Variants in WDR49 observed in about 807,000 individuals in gnomAD.
WDR49 encodes WD repeat domain 49.
In WDR49, 107 loss-of-function variants were observed where a neutral mutation model predicts 119.5. The ratio of observed to expected loss-of-function variants is 0.90; its 90% confidence interval spans 0.77 to 1.05. WDR49 has a LOEUF of 1.05. Ranked by LOEUF, WDR49 falls within the 50% of genes least tolerant of loss-of-function variation. The pLI is 0.00. For synonymous variants in WDR49, 425 were observed against 418.8 expected (o/e 1.01, Z -0.18); for missense variants, 1,240 against 1,220.5 (o/e 1.02, Z -0.24).
At chr3:167,634,393 G>A (rs1363314049) in intron 2 of WDR49, among the ~76,000 whole-genome samples, 1 of 151,822 alleles carries the variant, frequency 6.6e-6, no homozygotes, top group Non-Finnish European at 1.5e-5. Flanking sequence ...TGTTGCAAGA[G>A]CCAGAAAGCT....
intron 5 of WDR49, among the ~76,000 whole-genome samples, chr3:167,613,331 T>C (rs1197390420): frequency 6.6e-6 from 1 of 152,226 alleles, no homozygotes; most frequent in Non-Finnish European, 1.5e-5. Flanking sequence ...GGTAGGCACA[T>C]GTCCATGATA....
chr3:167,645,157 A>AT (rs1025140876), intron 2 of WDR49, among the ~76,000 whole-genome samples: 2 of 151,944 alleles, frequency 1.3e-5, no homozygotes, highest in Admixed American at 6.6e-5. Context: ...TTTAGCTTGG[A>AT]TTTTTTACCA....
chr3:167,615,459 A>AG (rs1311171555), intron 5 of WDR49, among the ~76,000 whole-genome samples: 1 of 151,208 alleles, frequency 6.6e-6, no homozygotes, highest in African/African-American at 2.4e-5. Context: ...AAAAAAAAAA[A>AG]AAAGAAAGAA....
rs142141332 is a variant in WDR49 at position 167,593,942 on chromosome 3, T to C, written c.1275+8185A>G. On this transcript the variant is annotated intron_variant, in intron 7 of 18. Coordinates refer to ENST00000682715, the MANE Select transcript of WDR49 (RefSeq NM_001366157.1). ...TTCCCCTCTCTCGTTCTGCCTCTCC[T>C]GCTACCATGTAAGATGTGCCTTGCT... Among the ~76,000 whole-genome samples the C allele has an allele frequency of 4.3e-3, 648 of 152,300 alleles. 9 individuals are homozygous for C. Among genetic ancestry groups the C allele is most frequent in the African/African-American group, 8.2e-3 (340 of 41,574 alleles).
chr3:167,615,143 T>C (rs1364292038), intron 5 of WDR49, among the ~76,000 whole-genome samples: 2 of 152,210 alleles, frequency 1.3e-5, no homozygotes, highest in African/African-American at 2.4e-5. Flanking sequence ...CATTCTTTCA[T>C]TGGTTATGAC....
chr3:167,479,217 A>T (rs1449802118), intron 18 of WDR49, among the ~76,000 whole-genome samples: 1 of 152,134 alleles, frequency 6.6e-6, no homozygotes, highest in African/African-American at 2.4e-5. Context: ...CTTTTAATGC[A>T]TATATCTTAA....
intron 11 of WDR49, among the ~76,000 whole-genome samples, chr3:167,536,511 T>C (rs898955875): frequency 1.3e-5 from 2 of 151,534 alleles, no homozygotes; most frequent in African/African-American, 4.9e-5. Flanking sequence ...AAAACCCATC[T>C]CTACTAAAAA....
At chr3:167,574,963 T>C (rs997378036) in intron 8 of WDR49, 3 of 642,552 alleles carry the variant, frequency 4.7e-6, no homozygotes, top group Admixed American at 1.3e-4. Context: ...CAGAAAACAG[T>C]GTTTTAAATA....
chr3:167,596,889 T>A (rs1055263963), intron 7 of WDR49, among the ~76,000 whole-genome samples: 1 of 129,616 alleles, frequency 7.7e-6, no homozygotes. Context: ...AATAAATAAA[T>A]AAATAAATAA....
intron 8 of WDR49, chr3:167,575,242 G>C: frequency 1.0e-6 from 1 of 985,950 alleles, no homozygotes; most frequent in Non-Finnish European, 1.2e-6. Context: ...GCCCCACACT[G>C]AGCTCACTGG....
At chr3:167,547,254 T>A (rs1311156619) in intron 10 of WDR49, among the ~76,000 whole-genome samples, 2 of 151,878 alleles carry the variant, frequency 1.3e-5, no homozygotes, top group African/African-American at 4.8e-5. Context: ...AAATCTTTAG[T>A]CTCATTTCAC....
At chr3:167,629,116 G>T (rs936177099) in intron 2 of WDR49, among the ~76,000 whole-genome samples, 1 of 151,990 alleles carries the variant, frequency 6.6e-6, no homozygotes, top group Non-Finnish European at 1.5e-5. Context: ...AATGAGTTGG[G>T]CATCGTGAGC....
At chr3:167,522,096 T>C (rs1752470955) in intron 16 of WDR49, among the ~76,000 whole-genome samples, 1 of 152,138 alleles carries the variant, frequency 6.6e-6, no homozygotes. Context: ...TGGCACTTAA[T>C]ACATATCAAG....
chr3:167,549,754 A>G (rs1712437041), intron 10 of WDR49, among the ~76,000 whole-genome samples: 1 of 152,164 alleles, frequency 6.6e-6, no homozygotes, highest in Non-Finnish European at 1.5e-5. Context: ...TGTTTTAGTC[A>G]TGAAGTCCTT....
intron 18 of WDR49, among the ~76,000 whole-genome samples, chr3:167,486,212 T>A (rs1390561269): frequency 6.6e-6 from 1 of 152,242 alleles, no homozygotes; most frequent in East Asian, 1.9e-4. Context: ...GGGAATTTAT[T>A]TCAATGTGAT....
intron 7 of WDR49, among the ~76,000 whole-genome samples, chr3:167,583,017 G>A (rs1015882835): frequency 4.6e-5 from 7 of 151,506 alleles, no homozygotes; most frequent in African/African-American, 1.2e-4. Context: ...GAGAGAGAGA[G>A]AAAAACAAAT....
At chr3:167,649,461 A>G (rs1291223189) in intron 2 of WDR49, among the ~76,000 whole-genome samples, 2 of 152,174 alleles carry the variant, frequency 1.3e-5, no homozygotes, top group Non-Finnish European at 2.9e-5. Flanking sequence ...TAAAATCCCC[A>G]AGATACTGTT....
At chr3:167,506,538 G>A (rs1441620265) in intron 16 of WDR49, among the ~76,000 whole-genome samples, 2 of 152,118 alleles carry the variant, frequency 1.3e-5, no homozygotes, top group African/African-American at 2.4e-5. Flanking sequence ...AAGTAGTAAT[G>A]TATTAATTTC....
Position 167,602,270 on chromosome 3 carries a change from C to T in WDR49, c.1132G>A (p.Ala378Thr). ...YHSRLNLIAT[A>T]GINNKVCLWN... is the part of the protein sequence containing the mutation. ...AGGCAAACTTTATTGTTAATGCCAG[C>T]AGTTGCTAATCAGAATTAGAAAGAA... is the stretch of plus-strand genomic sequence containing the variant. Residue 378 changes from alanine (A) to threonine (T), a missense_variant, in exon 7 of 19, where the codon GCT (alanine) becomes ACT (threonine). Physicochemically the swap from Ala to Thr is moderately conservative, Grantham distance 58. Transcript: ENST00000682715. The T allele has an allele frequency of 6.4e-7, 1 of 1,566,662 alleles. No individual in the cohort carries two copies. Among genetic ancestry groups the T allele is most frequent in the Non-Finnish European group, 8.7e-7 (1 of 1,148,658 alleles).
Sources: allele counts gnomAD v4.1 joint callset (sites outside exome capture counted in the v4.1 genomes callset), GRCh38; gene constraint gnomAD v4.1.1; transcripts MANE v1.5; gene names NCBI Gene and HGNC (gene_info 2026-07-23, HGNC 2026-07-21).